CCDC171: variants seen among roughly 807,000 people sequenced by gnomAD.
The protein encoded by CCDC171 is coiled-coil domain containing 171.
In CCDC171, 177 loss-of-function variants were observed where a neutral mutation model predicts 168.2. The ratio of observed to expected loss-of-function variants is 1.05; its 90% confidence interval spans 0.93 to 1.19. The LOEUF (loss-of-function observed/expected upper bound fraction) is 1.19, where lower values mean the gene tolerates loss of function less well. CCDC171 is among the 50% of genes most tolerant of loss of function. The pLI is 0.00. For synonymous variants in CCDC171, 687 were observed against 540.8 expected (o/e 1.27, Z -3.75); for missense variants, 1,991 against 1,539.0 (o/e 1.29, Z -4.91).
chr9:15,741,328 G>A (rs1325934426), intron 16 of CCDC171, among the ~76,000 whole-genome samples: 7 of 152,096 alleles, frequency 4.6e-5, no homozygotes, highest in Non-Finnish European at 8.8e-5. Flanking sequence ...CCAAAAATGT[G>A]TTTTCTGTGT....
At chr9:16,046,917 T>G (rs940491678) in intron 1 of CCDC171, among the ~76,000 whole-genome samples, 1 of 152,156 alleles carries the variant, frequency 6.6e-6, no homozygotes, top group African/African-American at 2.4e-5. Context: ...GGAAATAACC[T>G]TCAGTCGTTC....
intron 4 of CCDC171, among the ~76,000 whole-genome samples, chr9:15,584,700 G>A (rs750829650): frequency 3.3e-5 from 5 of 152,240 alleles, no homozygotes; most frequent in Admixed American, 3.3e-4. Flanking sequence ...TCCTTCTGAG[G>A]CCCTCCTGTC....
At chr9:16,010,420 A>G (rs909943342) in intron 3 of CCDC171, among the ~76,000 whole-genome samples, 1 of 152,070 alleles carries the variant, frequency 6.6e-6, no homozygotes, top group South Asian at 2.1e-4. Flanking sequence ...GGGAATGCCT[A>G]AGGAATGAAC....
chr9:16,005,923 T>A (rs1832681991), intron 3 of CCDC171, among the ~76,000 whole-genome samples: 1 of 152,106 alleles, frequency 6.6e-6, no homozygotes, highest in Non-Finnish European at 1.5e-5. Flanking sequence ...TTTATTTTAT[T>A]TTTTGAGATG....
At chr9:15,918,440 A>C (rs1029062004) in intron 24 of CCDC171, among the ~76,000 whole-genome samples, 1 of 151,346 alleles carries the variant, frequency 6.6e-6, no homozygotes, top group African/African-American at 2.4e-5. Context: ...AAAAAAAAAA[A>C]AACCAGGACT....
chr9:15,596,733 G>A (rs1197673770), intron 6 of CCDC171, among the ~76,000 whole-genome samples: 5 of 151,722 alleles, frequency 3.3e-5, no homozygotes, highest in African/African-American at 4.8e-5. Context: ...AATTACCTTG[G>A]GCAGTATGGC....
At chr9:15,884,165 T>A (rs906872287) in intron 24 of CCDC171, among the ~76,000 whole-genome samples, 6 of 152,180 alleles carry the variant, frequency 3.9e-5, no homozygotes, top group Admixed American at 3.9e-4. Flanking sequence ...CTAGAATCAC[T>A]ATTTTCTGTG....
At chr9:15,808,263 C>T (rs1473556708) in intron 21 of CCDC171, among the ~76,000 whole-genome samples, 1 of 152,058 alleles carries the variant, frequency 6.6e-6, no homozygotes, top group Non-Finnish European at 1.5e-5. Context: ...AACTGGAATG[C>T]TAGATAGAAA....
At chr9:15,558,039 T>C (rs1474295355) in intron 1 of CCDC171, among the ~76,000 whole-genome samples, 1 of 152,172 alleles carries the variant, frequency 6.6e-6, no homozygotes, top group Admixed American at 6.5e-5. Context: ...ATGGATTACG[T>C]TTATTGATTT....
chr9:15,742,990 GT>G (rs777599960), intron 16 of CCDC171, among the ~76,000 whole-genome samples: 101 of 151,738 alleles, frequency 6.7e-4, no homozygotes, highest in Non-Finnish European at 1.2e-3. Context: ...TGTTGCCCAG[GT>G]TGGTCCTAAA....
chr9:15,908,652 A>G (rs1447053591), intron 24 of CCDC171, among the ~76,000 whole-genome samples: 4 of 151,648 alleles, frequency 2.6e-5, no homozygotes, highest in African/African-American at 9.7e-5. Context: ...GTTAAAGTAT[A>G]AAAAAAAAGA....
intron 4 of CCDC171, among the ~76,000 whole-genome samples, chr9:15,587,305 A>G (rs1266869971): frequency 6.6e-6 from 1 of 152,068 alleles, no homozygotes; most frequent in African/African-American, 2.4e-5. Flanking sequence ...GTGGGAGATG[A>G]TTGCATCATT....
At position 15,578,839 on chromosome 9, in the gene CCDC171, C is replaced by G; in HGVS notation, c.178-10C>G. 1 of 1,607,300 alleles carries G rather than the reference C, an allele frequency of 6.2e-7. No individual in the cohort carries two copies. The highest frequency in any genetic ancestry group is 8.5e-7 in the Non-Finnish European group (1 of 1,176,550). On this transcript the variant is annotated splice_polypyrimidine_tract_variant and intron_variant, in intron 3 of 25. Transcript: ENST00000380701. ...TTGGACACATGTTGATATCAGGAAT[C>G]TGTTTTTAGCTGGCAAGCTATGAGA...
At chr9:15,917,342 A>T (rs573242605) in intron 24 of CCDC171, among the ~76,000 whole-genome samples, 1 of 151,936 alleles carries the variant, frequency 6.6e-6, no homozygotes, top group South Asian at 2.1e-4. Flanking sequence ...TTCTGTATTG[A>T]TCATTGTACC....
intron 3 of CCDC171, among the ~76,000 whole-genome samples, chr9:16,000,449 C>A (rs531952802): frequency 1.3e-5 from 2 of 151,972 alleles, no homozygotes; most frequent in Non-Finnish European, 2.9e-5. Flanking sequence ...TTAAAAGTTT[C>A]TAGGTAGAAA....
intron 3 of CCDC171, among the ~76,000 whole-genome samples, chr9:16,005,920 TA>T (rs960014491): frequency 1.3e-4 from 20 of 151,762 alleles, no homozygotes; most frequent in African/African-American, 3.4e-4. Flanking sequence ...TTTTTTATTT[TA>T]TTTTTTGAGA....
At position 15,939,354 on chromosome 9, in the gene CCDC171, T is replaced by TA. The variant is rs199618275; in HGVS notation, c.3753+18940dup. Among the ~76,000 whole-genome samples the TA allele has an allele frequency of 7.3e-3, 1,107 of 151,488 alleles. 22 individuals are homozygous for TA. The highest frequency in any genetic ancestry group is 0.025 in the African/African-American group (1,050 of 41,412). ...AAATATGGTATTTATCCTACACAGG[T>TA]AAAAAAAAGAAAAGAAAACCCTGCA... On this transcript the variant is annotated intron_variant, in intron 25 of 25. Coordinates refer to ENST00000380701, the MANE Select transcript of CCDC171 (RefSeq NM_173550.4).
rs1587954542 is a variant in CCDC171, at chr9:15,686,075, A to G, written c.1215+7179A>G. 1.3e-5 allele frequency among the ~76,000 whole-genome samples: 2 copies of G among 152,166 alleles called. 1 individual carries two copies. The highest frequency in any genetic ancestry group is 1.3e-4 in the Admixed American group (2 of 15,274). ...GAAATATTAGCTCATATTTTAGTTA[A>G]GATTGAGCTCTATACTTGAAAGAGA... On this transcript the variant is annotated intron_variant, in intron 10 of 25. Coordinates refer to ENST00000380701, the MANE Select transcript of CCDC171 (RefSeq NM_173550.4).
chr9:16,105,854 A>G, the CCDC171 span, among the ~76,000 whole-genome samples: 20 of 152,372 alleles, frequency 1.3e-4, no homozygotes, highest in Non-Finnish European at 7.3e-5. Flanking sequence ...GCATGTGTGT[A>G]TGAGTTTGTA....
Sources: allele counts gnomAD v4.1 joint callset (sites outside exome capture counted in the v4.1 genomes callset), GRCh38; gene constraint gnomAD v4.1.1; transcripts MANE v1.5; gene names NCBI Gene and HGNC (gene_info 2026-07-23, HGNC 2026-07-21).